ATP2B2: variants seen among roughly 807,000 people sequenced by gnomAD.
The protein encoded by ATP2B2 is ATPase plasma membrane Ca2+ transporting 2.
Under a neutral mutation model 120.0 loss-of-function variants are expected in ATP2B2, and 15 were observed. The ratio of observed to expected loss-of-function variants is 0.12; its 90% CI spans 0.08 to 0.19. The LOEUF (loss-of-function observed/expected upper bound fraction) is 0.19. Ranked by LOEUF, ATP2B2 falls within the 10% of genes least tolerant of loss-of-function variation. ATP2B2 has a pLI of 1.00. For missense variants in ATP2B2, 1,045 were observed against 1,719.8 expected, an observed-to-expected ratio of 0.61 and a Z score of 6.94; for synonymous variants, 694 against 700.3, an observed-to-expected ratio of 0.99 and a Z score of 0.14.
At chr3:10,457,019 C>T (rs2064288475) in intron 1 of ATP2B2, among the ~76,000 whole-genome samples, 2 of 152,198 alleles carry the variant, frequency 1.3e-5, no homozygotes, top group African/African-American at 4.8e-5. Flanking sequence ...GAGGCAATTT[C>T]CTCTGCACGT....
chr3:10,365,032 C>T (rs1258437305), intron 12 of ATP2B2, among the ~76,000 whole-genome samples: 2 of 152,260 alleles, frequency 1.3e-5, no homozygotes, highest in African/African-American at 2.4e-5. Context: ...CAGCTGCCTA[C>T]AAGGCAGGGG....
chr3:10,597,063 C>CA (rs2068785133), intron 2 of ATP2B2, among the ~76,000 whole-genome samples: 1 of 142,946 alleles, frequency 7.0e-6, no homozygotes, highest in Admixed American at 6.9e-5. Context: ...ACACACAGGG[C>CA]CACACACACA....
intron 12 of ATP2B2, among the ~76,000 whole-genome samples, chr3:10,366,370 T>G (rs1282065328): frequency 1.3e-5 from 2 of 152,140 alleles, no homozygotes; most frequent in East Asian, 3.8e-4. Flanking sequence ...TAGAATGGGG[T>G]GTACTGGGGA....
At chr3:10,504,940 C>T (rs1271695080) in intron 1 of ATP2B2, among the ~76,000 whole-genome samples, 1 of 152,174 alleles carries the variant, frequency 6.6e-6, no homozygotes, top group African/African-American at 2.4e-5. Context: ...TCCCAGCACA[C>T]AGCTGCCCAC....
intron 2 of ATP2B2, among the ~76,000 whole-genome samples, chr3:10,413,767 G>A (rs542387395): frequency 2.6e-5 from 4 of 152,310 alleles, no homozygotes; most frequent in South Asian, 4.1e-4. Context: ...TTAATTAAAA[G>A]CTCCAATTCC....
At chr3:10,374,867 G>T (rs1361200253) in intron 11 of ATP2B2, among the ~76,000 whole-genome samples, 1 of 152,174 alleles carries the variant, frequency 6.6e-6, no homozygotes, top group Non-Finnish European at 1.5e-5. Flanking sequence ...AGGGGAGGAG[G>T]CTTCTATGAA....
chr3:10,623,124 G>A (rs1463962759), intron 1 of ATP2B2, among the ~76,000 whole-genome samples: 1 of 146,450 alleles, frequency 6.8e-6, no homozygotes, highest in Non-Finnish European at 1.5e-5. Context: ...GTGCAGTGGT[G>A]CAACCATAGC....
At chr3:10,462,643 G>A (rs575652082) in intron 1 of ATP2B2, among the ~76,000 whole-genome samples, 14 of 152,292 alleles carry the variant, frequency 9.2e-5, no homozygotes, top group Admixed American at 7.2e-4. Flanking sequence ...ATAACATTAC[G>A]CTCAAGCTCA....
chr3:10,380,193 C>A (rs1344988873), intron 8 of ATP2B2, among the ~76,000 whole-genome samples: 1 of 152,234 alleles, frequency 6.6e-6, no homozygotes, highest in African/African-American at 2.4e-5. Context: ...GAGGCCCCCA[C>A]TCCAGCCTTG....
At chr3:10,381,989 G>T (rs2061543672) in intron 8 of ATP2B2, among the ~76,000 whole-genome samples, 1 of 151,810 alleles carries the variant, frequency 6.6e-6, no homozygotes, top group South Asian at 2.1e-4. Context: ...ATCAACTAAG[G>T]TGATGTTTAT....
intron 1 of ATP2B2, among the ~76,000 whole-genome samples, 179 bp from the exon 2 acceptor site, chr3:10,450,041 C>A (rs538244553): frequency 6.6e-6 from 1 of 152,144 alleles, no homozygotes; most frequent in East Asian, 1.9e-4. Flanking sequence ...CCCAGGCACT[C>A]CACGATATGC....
intron 5 of ATP2B2, among the ~76,000 whole-genome samples, chr3:10,397,316 T>C (rs926265946): frequency 6.6e-6 from 1 of 152,208 alleles, no homozygotes; most frequent in African/African-American, 2.4e-5. Flanking sequence ...TCTATCTGCA[T>C]GTGGCCAAGG....
At position 10,350,548 on chromosome 3, in the gene ATP2B2, C is replaced by T. The variant is rs967309924; in HGVS notation, c.2166G>A (p.Arg722=). ...EVPEAIRKCQ[R]AGITVRMVTG... is the part of the protein sequence containing the mutation. Reference sequence around the variant, plus strand: ...TGACCATGCGGACCGTGATGCCTGCCCGCTGGCACTTGCGGATGGCTTCTG... The same window carrying T: ...TGACCATGCGGACCGTGATGCCTGCTCGCTGGCACTTGCGGATGGCTTCTG... The change falls in exon 15 of 23, where the codon CGG becomes CGA. Residue 722 remains arginine, a synonymous_variant. Transcript: ENST00000360273. 6.2e-7 allele frequency: 1 copy of T among 1,613,820 alleles called. No homozygotes were observed. Among genetic ancestry groups the T allele is most frequent in the South Asian group, 1.1e-5 (1 of 91,080 alleles).
chr3:10,445,794 G>A (rs956103400), intron 2 of ATP2B2, among the ~76,000 whole-genome samples: 1 of 152,238 alleles, frequency 6.6e-6, no homozygotes, highest in Non-Finnish European at 1.5e-5. Flanking sequence ...ATTAGGGGTA[G>A]GGGGTGTCGG....
At chr3:10,633,581 A>G (rs1246071300) in intron 1 of ATP2B2, among the ~76,000 whole-genome samples, 1 of 152,248 alleles carries the variant, frequency 6.6e-6, no homozygotes, top group Non-Finnish European at 1.5e-5. Context: ...ATGGGGATAG[A>G]AATTTTAATG....
intron 1 of ATP2B2, among the ~76,000 whole-genome samples, chr3:10,622,801 C>T (rs1300446143): frequency 1.3e-5 from 2 of 152,188 alleles, no homozygotes; most frequent in African/African-American, 2.4e-5. Flanking sequence ...GCAGGATGCC[C>T]GTGGGATTAT....
intron 10 of ATP2B2, among the ~76,000 whole-genome samples, chr3:10,376,627 C>G (rs192663107): frequency 2.0e-5 from 3 of 152,198 alleles, no homozygotes; most frequent in Non-Finnish European, 4.4e-5. Context: ...TGCTCACACC[C>G]GCAGACTCTG....
At chr3:10,472,498 G>A (rs1395807515) in intron 1 of ATP2B2, among the ~76,000 whole-genome samples, 2 of 152,210 alleles carry the variant, frequency 1.3e-5, no homozygotes, top group African/African-American at 4.8e-5. Flanking sequence ...AGGCTTGCGG[G>A]GCTGTCCGCC....
At chr3:10,361,089 T>A (rs1442838467) in intron 12 of ATP2B2, among the ~76,000 whole-genome samples, 1 of 152,230 alleles carries the variant, frequency 6.6e-6, no homozygotes, top group African/African-American at 2.4e-5. Flanking sequence ...TACGTGCTGA[T>A]AATCTGTTCC....
Sources: gnomAD v4.1 joint callset for allele counts (sites outside exome capture counted in the v4.1 genomes callset) on GRCh38, gnomAD v4.1.1 for gene constraint, MANE v1.5 for transcripts, NCBI Gene and HGNC (gene_info 2026-07-23, HGNC 2026-07-21) for gene names.